The following ZNF384 variants were observed in gnomAD, a reference collection of about 807,000 sequenced individuals.
ZNF384 encodes zinc finger protein 384.
In ZNF384, 20 loss-of-function variants were observed where a neutral mutation model predicts 65.0. The ratio of observed to expected loss-of-function variants is 0.31; its 90% confidence interval spans 0.22 to 0.45. The LOEUF (loss-of-function observed/expected upper bound fraction) is 0.45. Among genes scored for constraint, ZNF384 ranks in the 20% least tolerant of loss-of-function variants. ZNF384 has a pLI of 1.00. For synonymous variants in ZNF384, 310 were observed against 303.9 expected, an observed-to-expected ratio of 1.02 and a Z score of -0.21; for missense variants, 549 against 769.4, an observed-to-expected ratio of 0.71 and a Z score of 3.39.
chr12:6,667,604 G>A lies in ZNF384; in HGVS notation c.*110C>T, dbSNP rs555244830. 7 of 1,424,128 alleles carry A rather than the reference G, an allele frequency of 4.9e-6. No homozygotes were observed. The East Asian group carries it at 1.6e-4, about 32-fold the overall frequency. 88.2% of individuals were successfully genotyped at this position (1,424,128 alleles called of 1,614,324 possible). Reference sequence around the variant, plus strand: ...GAAAGCCGTGACAGAGGCCCAAGGAGATGGAGCCAAGGCCTGTCAAGGAAG... The same window carrying A: ...GAAAGCCGTGACAGAGGCCCAAGGAAATGGAGCCAAGGCCTGTCAAGGAAG... On this transcript the variant is annotated 3_prime_UTR_variant, in exon 12 of 12. Transcript: ENST00000683879.
At chr12:6,681,418 A>G (rs1423938355) in intron 2 of ZNF384, among the ~76,000 whole-genome samples, 1 of 152,134 alleles carries the variant, frequency 6.6e-6, no homozygotes, top group African/African-American at 2.4e-5. Flanking sequence ...AGAGCCCCAC[A>G]AAAGGCAAAT....
Position 6,672,085 on chromosome 12 carries a change from T to C in ZNF384, c.1187+265A>G. On this transcript the variant is annotated intron_variant, in intron 9 of 11. Transcript: ENST00000683879. The surrounding 1 kb of genome is among the most constrained non-coding windows in gnomAD (Gnocchi z 4.4). The stretch of plus-strand genomic sequence containing the variant: ...AAAATTAGAGAAAAGTTGTTTCTAC[T>C]CCAGGTACGTGTCTGTCTCCCATGG... The C allele has an allele frequency of 2.5e-6, 1 of 403,914 alleles. No homozygotes were observed. Among genetic ancestry groups the C allele is most frequent in the Non-Finnish European group, 4.5e-6 (1 of 221,904 alleles). 25.0% of individuals were successfully genotyped at this position (403,914 alleles called of 1,614,324 possible).
rs1950027362 is a variant in ZNF384, at chr12:6,667,496, A to G, written c.*218T>C. On this transcript the variant is annotated 3_prime_UTR_variant, in exon 12 of 12. Transcript: ENST00000683879. Reference sequence around the variant, plus strand: ...GGAGGGGAGGCTGCTGGATGACACCATCAGCTCAGTATTCCTTTGCAATCA... The same window carrying G: ...GGAGGGGAGGCTGCTGGATGACACCGTCAGCTCAGTATTCCTTTGCAATCA... 1.5e-6 allele frequency: 1 copy of G among 678,110 alleles called. No individual in the cohort carries two copies. Among genetic ancestry groups the G allele is most frequent in the African/African-American group, 1.8e-5 (1 of 55,724 alleles). The allele number at this position is 678,110 out of a possible 1,614,324, so 42.0% of individuals were successfully genotyped here. A position where few individuals can be genotyped will look rare whatever the true frequency, so the allele number is the denominator to read the frequency against.
chr12:6,675,912 C>T lies in ZNF384; in HGVS notation c.779+1255G>A, dbSNP rs189125656. Among the ~76,000 whole-genome samples the T allele has an allele frequency of 1.2e-3, 179 of 152,226 alleles. 1 individual carries two copies. The highest frequency in any genetic ancestry group is 0.01 in the Middle Eastern group (3 of 294). On this transcript the variant is annotated intron_variant, in intron 7 of 11. Coordinates refer to ENST00000683879, the MANE Select transcript of ZNF384 (RefSeq NM_001385745.1). ...CGTTGACTTGACCAGAGTAACAGAACCCAACTGCCCCAATAGCCAGTCAAA... is the reference window on the plus strand; with the variant it reads ...CGTTGACTTGACCAGAGTAACAGAATCCAACTGCCCCAATAGCCAGTCAAA...
At chr12:6,682,331 A>C (rs1412347655) in intron 2 of ZNF384, among the ~76,000 whole-genome samples, 1 of 134,496 alleles carries the variant, frequency 7.4e-6, no homozygotes, top group African/African-American at 3.4e-5. Context: ...AAAACAAAAC[A>C]AAACAAAACA....
intron 11 of ZNF384, 80 bp from the exon 12 acceptor site, chr12:6,668,195 A>C: frequency 7.2e-7 from 1 of 1,379,776 alleles, no homozygotes; most frequent in Non-Finnish European, 9.9e-7. Flanking sequence ...CCAGGCTCTG[A>C]TTCTGCTGTA....
At chr12:6,685,776 C>CAAAAAAAAA in intron 2 of ZNF384, among the ~76,000 whole-genome samples, 1 of 43,232 alleles carries the variant, frequency 2.3e-5, no homozygotes, top group Non-Finnish European at 4.7e-5. Context: ...GACTCAGTCT[C>CAAAAAAAAA]AAAAAAAAAA....
chr12:6,679,433 G>A (rs747617886), intron 3 of ZNF384, 22 bp downstream of exon 3: 88 of 1,610,636 alleles, frequency 5.5e-5, no homozygotes, highest in Non-Finnish European at 2.0e-5. Flanking sequence ...CTTGGAGAGA[G>A]CAAGAAAGCA....
intron 2 of ZNF384, among the ~76,000 whole-genome samples, chr12:6,680,935 G>A (rs200669854): frequency 6.6e-6 from 1 of 152,192 alleles, no homozygotes; most frequent in African/African-American, 2.4e-5. Flanking sequence ...CTGTGCTTCC[G>A]GCTGGGCATG....
Position 6,667,395 on chromosome 12 carries a change from C to T in ZNF384, c.*319G>A, listed in dbSNP as rs1950012171. ...AGGGTAAGGATAGGGTAAGTGGCCA[C>T]ACTGGACAAGGTTCTATGAGGTCAT... On this transcript the variant is annotated 3_prime_UTR_variant, in exon 12 of 12. Transcript: ENST00000683879. 2.0e-6 allele frequency: 1 copy of T among 495,324 alleles called. No homozygotes were observed. The highest frequency in any genetic ancestry group is 3.6e-5 in the East Asian group (1 of 27,746). The allele number at this position is 495,324 out of a possible 1,614,324, so 30.7% of individuals were successfully genotyped here. A position where few individuals can be genotyped will look rare whatever the true frequency, so the allele number is the denominator to read the frequency against.
At chr12:6,669,304 T>C (rs1592359095) in intron 10 of ZNF384, 115 bp from the exon 11 acceptor site, 4 of 1,042,560 alleles carry the variant, frequency 3.8e-6, no homozygotes, top group Non-Finnish European at 5.5e-6. Flanking sequence ...TCCCTCTATC[T>C]GAAGAAAGTA....
chr12:6,676,851 C>G (rs191916783), intron 7 of ZNF384, among the ~76,000 whole-genome samples: 2 of 152,186 alleles, frequency 1.3e-5, no homozygotes, highest in Admixed American at 1.3e-4. Context: ...GTGGGGTACA[C>G]CTGTAATAAT....
At chr12:6,681,835 T>C (rs560052975) in intron 2 of ZNF384, among the ~76,000 whole-genome samples, 1 of 152,318 alleles carries the variant, frequency 6.6e-6, no homozygotes, top group East Asian at 1.9e-4. Context: ...GAGGGTGCAA[T>C]GTACCAAATC....
chr12:6,684,559 A>G (rs1329698655), intron 2 of ZNF384, among the ~76,000 whole-genome samples: 1 of 152,190 alleles, frequency 6.6e-6, no homozygotes, highest in Non-Finnish European at 1.5e-5. Flanking sequence ...ACTTACTTGG[A>G]TGCCTAGTTT....
chr12:6,680,190 C>G (rs1270575641), intron 2 of ZNF384, among the ~76,000 whole-genome samples: 1 of 152,118 alleles, frequency 6.6e-6, no homozygotes, highest in Non-Finnish European at 1.5e-5. Context: ...GTCTTGAACT[C>G]CTAGGCTCAA....
rs367931266 is a variant in ZNF384 at position 6,678,962 on chromosome 12, T to C, written c.288A>G (p.Thr96=). The change falls in exon 4 of 12, where the codon ACA becomes ACG. Residue 96 remains threonine (T), a synonymous_variant. Transcript: ENST00000683879. This position sits in a 1 kb window ranked among gnomAD's most constrained non-coding sequence, Gnocchi z 4.9. ...QNITVVPVPS[T]GLMTAGVSCS... Reference sequence around the variant, plus strand: ...GTTGCTCACCAGCAGTCATCAGTCCTGTAGACGGCACAGGGACCACCGTGA... The same window carrying C: ...GTTGCTCACCAGCAGTCATCAGTCCCGTAGACGGCACAGGGACCACCGTGA... 1.9e-6 allele frequency: 3 copies of C among 1,613,940 alleles called. No homozygotes were observed. Among genetic ancestry groups the C allele is most frequent in the Non-Finnish European group, 2.5e-6 (3 of 1,179,960 alleles).
In ZNF384 at chr12:6,673,316, G is replaced by A; in HGVS notation, c.904C>T (p.Leu302=). 14 of 1,614,106 alleles carry A rather than the reference G, an allele frequency of 8.7e-6. No individual in the cohort carries two copies. Among genetic ancestry groups the A allele is most frequent in the Non-Finnish European group, 1.2e-5 (14 of 1,180,026 alleles). ...GAGTGTATACGGATGTGCTGGGCCAGGTAGGAGCTGTTGGCGAAGGTCTTG... is the reference window on the plus strand; with the variant it reads ...GAGTGTATACGGATGTGCTGGGCCAAGTAGGAGCTGTTGGCGAAGGTCTTG... ...CSKTFANSSY[L]AQHIRIHSGA... is the part of the protein sequence containing the mutation. The change falls in exon 8 of 12, where the codon CTG becomes TTG. Residue 302 remains leucine, a synonymous_variant. Coordinates refer to ENST00000683879, the MANE Select transcript of ZNF384 (RefSeq NM_001385745.1). This position sits in a 1 kb window ranked among gnomAD's most constrained non-coding sequence, Gnocchi z 4.7.
Position 6,677,194 on chromosome 12 carries a change from GA to G in ZNF384, c.751del (p.Ser251ProfsTer16). ...AGGGTCACACAGCAAATTCGTGGTGGAGCCGGGAACTGAATCCATGAGCCCA... is the reference window on the plus strand; with the variant it reads ...AGGGTCACACAGCAAATTCGTGGTGGGCCGGGAACTGAATCCATGAGCCCA... ...SLGLMDSVPG[S>X]TTNLLCDPGC... On this transcript the variant is annotated frameshift_variant, in exon 7 of 12. Transcript: ENST00000683879. LOFTEE classifies it high-confidence loss of function. 1 of 1,225,198 alleles carries G rather than the reference GA, an allele frequency of 8.2e-7. No individual in the cohort carries two copies. Among genetic ancestry groups the G allele is most frequent in the South Asian group, 1.3e-5 (1 of 79,028 alleles). The allele number at this position is 1,225,198 out of a possible 1,614,324, so 75.9% of individuals were successfully genotyped here.
chr12:6,686,836 T>A (rs983671769), intron 2 of ZNF384, among the ~76,000 whole-genome samples: 9 of 152,162 alleles, frequency 5.9e-5, no homozygotes, highest in African/African-American at 1.4e-4. Context: ...AAGGACTACA[T>A]AATTACAAAG....
Sources: allele counts gnomAD v4.1 joint callset (sites outside exome capture counted in the v4.1 genomes callset), GRCh38; gene constraint gnomAD v4.1.1; non-coding constraint Gnocchi (gnomAD v3.1); transcripts MANE v1.5; gene names NCBI Gene and HGNC (gene_info 2026-07-23, HGNC 2026-07-21).